The following PDE1C variants were observed in gnomAD, a reference collection of about 807,000 sequenced individuals.
PDE1C encodes the protein phosphodiesterase 1C, also known as dual specificity calcium/calmodulin-dependent 3',5'-cyclic nucleotide phosphodiesterase 1C.
PDE1C carries 62 observed loss-of-function variants against 93.1 expected under a neutral mutation model. The observed-to-expected ratio is 0.67, with a 90% CI of 0.54 to 0.82. PDE1C has a LOEUF of 0.82. Ranked by LOEUF, PDE1C falls within the 40% of genes least tolerant of loss-of-function variation. PDE1C has a pLI of 0.00. For missense variants in PDE1C, 742 were observed against 884.6 expected (o/e 0.84, Z 2.04); for synonymous variants, 325 against 310.1 (o/e 1.05, Z -0.50).
intron 1 of PDE1C, among the ~76,000 whole-genome samples, chr7:32,263,348 C>T (rs10244622): frequency 0.12 from 17,831 of 151,688 alleles, 1,206 homozygotes; most frequent in African/African-American, 0.16. Context: ...TATACATGTG[C>T]GGGTGTGTGT....
intron 2 of PDE1C, among the ~76,000 whole-genome samples, chr7:32,171,416 T>C: frequency 6.6e-6 from 1 of 151,268 alleles, no homozygotes; most frequent in South Asian, 2.1e-4. Flanking sequence ...AAAAAAAAAA[T>C]CTGTAGTAAA....
chr7:31,848,886 C>T (rs1298682090), intron 8 of PDE1C, among the ~76,000 whole-genome samples: 1 of 152,184 alleles, frequency 6.6e-6, no homozygotes, highest in Non-Finnish European at 1.5e-5. Context: ...ATTGGCCAAA[C>T]TTTGGGCTGT....
intron 1 of PDE1C, among the ~76,000 whole-genome samples, chr7:32,415,725 G>A (rs564014356): frequency 4.0e-5 from 6 of 151,876 alleles, no homozygotes; most frequent in African/African-American, 4.8e-5. Context: ...GGAACAAAGC[G>A]CTACGTCCTT....
chr7:31,852,220 C>T (rs548180637), intron 7 of PDE1C, among the ~76,000 whole-genome samples: 1 of 152,274 alleles, frequency 6.6e-6, no homozygotes, highest in African/African-American at 2.4e-5. Flanking sequence ...ATGAAAAATA[C>T]TTCAGAGTGA....
chr7:32,235,203 T>G lies in PDE1C; in HGVS notation c.86-25664A>C, dbSNP rs1335092453. On this transcript the variant is annotated intron_variant, in intron 1 of 18. Coordinates refer to the PDE1C transcript ENST00000396193. ...TTATTCCCAATAAGGGAATTCCCAA[T>G]AAGGGAATAAAGGAAAATGTCCACT... Among the ~76,000 whole-genome samples, 8 of 146,414 alleles carry G rather than the reference T, an allele frequency of 5.5e-5. No individual in the cohort carries two copies. The East Asian group carries it at 1.7e-3, about 30-fold the overall frequency.
rs543074537 is a variant in PDE1C, at chr7:32,114,712, C to A, written c.308+55073G>T. 5.9e-5 allele frequency among the ~76,000 whole-genome samples: 9 copies of A among 152,010 alleles called. No individual in the cohort carries two copies. In the South Asian group the frequency reaches 6.2e-4, roughly 11 times the overall value. On this transcript the variant is annotated intron_variant, in intron 3 of 18. Transcript: ENST00000396193. ...ATGGGCGAAAATTTTTGCAATCTAC[C>A]CACCTGACAAAGGTCTAATATCTAG...
intron 16 of PDE1C, chr7:31,790,181 TGAA>T: frequency 1.2e-6 from 2 of 1,605,032 alleles, no homozygotes; most frequent in South Asian, 2.2e-5. Flanking sequence ...AGAAGGAGAA[TGAA>T]GAAGCTCAGC....
intron 1 of PDE1C, among the ~76,000 whole-genome samples, chr7:32,422,484 C>G (rs28459689): frequency 1.3e-4 from 19 of 141,000 alleles, no homozygotes; most frequent in Admixed American, 2.8e-4. Context: ...CTTTCCCCCC[C>G]ACCTGGCCTC....
At chr7:32,211,885 G>A (rs1806058954) in intron 1 of PDE1C, among the ~76,000 whole-genome samples, 1 of 151,796 alleles carries the variant, frequency 6.6e-6, no homozygotes, top group Non-Finnish European at 1.5e-5. Flanking sequence ...ACTTAGCCGG[G>A]TGTGGTGGAG....
chr7:32,364,764 T>C (rs1025039299), intron 1 of PDE1C, among the ~76,000 whole-genome samples: 1 of 152,202 alleles, frequency 6.6e-6, no homozygotes. Context: ...CTGGGGCCAG[T>C]AGCCGCTGCA....
At chr7:31,643,151 A>G in the PDE1C span, 59 of 1,613,888 alleles carry the variant, frequency 3.7e-5, no homozygotes, top group Admixed American at 7.0e-4. Flanking sequence ...AGCCACCACA[A>G]TGAGTCTCAA....
At chr7:31,979,587 G>T (rs528531943) in intron 2 of PDE1C, among the ~76,000 whole-genome samples, 2 of 152,268 alleles carry the variant, frequency 1.3e-5, no homozygotes, top group African/African-American at 4.8e-5. Flanking sequence ...GCAGAGCCAG[G>T]ATTCAAACCC....
intron 3 of PDE1C, among the ~76,000 whole-genome samples, chr7:32,127,761 C>T (rs1799667074): frequency 6.6e-6 from 1 of 151,908 alleles, no homozygotes; most frequent in African/African-American, 2.4e-5. Flanking sequence ...CACATCAGTT[C>T]CTGGACTGTG....
At chr7:32,004,390 A>G (rs182969275) in intron 2 of PDE1C, among the ~76,000 whole-genome samples, 92 of 152,308 alleles carry the variant, frequency 6.0e-4, no homozygotes, top group African/African-American at 2.0e-3. Context: ...GGGTCCATAG[A>G]TGGAGTGGAC....
chr7:31,771,101 C>G (rs563238199), intron 17 of PDE1C, among the ~76,000 whole-genome samples: 7 of 152,106 alleles, frequency 4.6e-5, no homozygotes, highest in Admixed American at 1.3e-4. Flanking sequence ...CTCCATTTGG[C>G]TGTCTGAGTA....
intron 4 of PDE1C, among the ~76,000 whole-genome samples, chr7:31,878,521 A>G (rs114884076): frequency 1.4e-3 from 211 of 152,320 alleles, no homozygotes; most frequent in African/African-American, 5.0e-3. Flanking sequence ...TAGGAAGAAT[A>G]TATCTATTTC....
At chr7:31,847,946 C>G in intron 9 of PDE1C, 22 bp downstream of exon 9, 8 of 1,611,496 alleles carry the variant, frequency 5.0e-6, no homozygotes, top group Admixed American at 1.7e-5. Flanking sequence ...GCCTACAAAT[C>G]TCTCTCTTTT....
At chr7:32,184,451 C>T (rs1803695904) in intron 2 of PDE1C, among the ~76,000 whole-genome samples, 1 of 152,120 alleles carries the variant, frequency 6.6e-6, no homozygotes. Context: ...ACATATACAC[C>T]ATGGAATACT....
the PDE1C span, among the ~76,000 whole-genome samples, chr7:31,638,948 G>A: frequency 2.0e-5 from 3 of 152,042 alleles, no homozygotes; most frequent in East Asian, 1.9e-4. Flanking sequence ...GCTAATTTTT[G>A]TATTTTTTGG....
Sources: gnomAD v4.1 joint callset for allele counts (sites outside exome capture counted in the v4.1 genomes callset) on GRCh38, gnomAD v4.1.1 for gene constraint, MANE v1.5 for transcripts, NCBI Gene and HGNC (gene_info 2026-07-23, HGNC 2026-07-21) for gene names.